The following DNAAF11 variants were observed in gnomAD, a reference collection of about 807,000 sequenced individuals.
DNAAF11 encodes dynein axonemal assembly factor 11, also known as leucine rich repeat containing 6.
DNAAF11 carries 45 observed loss-of-function variants against 60.8 expected under a neutral mutation model. The observed-to-expected ratio is 0.74, with a 90% CI of 0.58 to 0.95. The LOEUF (loss-of-function observed/expected upper bound fraction) is 0.95, where lower values mean the gene tolerates loss of function less well. Among genes scored for constraint, DNAAF11 ranks in the 40% least tolerant of loss-of-function variants. The pLI is 0.00. For synonymous variants in DNAAF11, 191 were observed against 183.5 expected, an observed-to-expected ratio of 1.04 and a Z score of -0.33; for missense variants, 546 against 546.2, an observed-to-expected ratio of 1.00 and a Z score of 0.00.
Position 132,572,408 on chromosome 8 carries a change from T to C in DNAAF11, c.1299A>G (p.Gln433=), listed in dbSNP as rs1398472173. ...HSFPDVTNIV[Q]EKKHTPRRRP... ...GTCTTCTGGGTGTGTGTTTTTTCTC[T>C]TGAACTATGTTAGTCACATCAGGGA... The change falls in exon 12 of 12, where the codon CAA becomes CAG. Residue 433 remains glutamine (Q), a synonymous_variant. Transcript: ENST00000620350. 3 of 1,613,920 alleles carry C rather than the reference T, an allele frequency of 1.9e-6. No individual in the cohort carries two copies. The highest frequency in any genetic ancestry group is 3.3e-5 in the Admixed American group (2 of 60,012).
Position 132,637,991 on chromosome 8 carries a change from A to G in DNAAF11, c.373T>C (p.Cys125Arg), listed in dbSNP as rs1821470793. The G allele has an allele frequency of 6.2e-7, 1 of 1,614,020 alleles. No homozygotes were observed. Among genetic ancestry groups the G allele is most frequent in the Admixed American group, 1.7e-5 (1 of 60,006 alleles). The change falls in exon 4 of 12, where the codon TGT becomes CGT. Residue 125 changes from cysteine (C) to arginine (R), a missense_variant. Transcript: ENST00000620350. ...TCCCTATAGTGGTCAAAGGAAGCAC[A>G]TGGGTTCCCCATGAGAAAGAGCTCC... ...LKELFLMGNP[C>R]ASFDHYREFV...
chr8:132,683,315 A>G, the DNAAF11 span, among the ~76,000 whole-genome samples: 1 of 152,202 alleles, frequency 6.6e-6, no homozygotes, highest in Non-Finnish European at 1.5e-5. Context: ...GGTGGAACAC[A>G]TGAACCCAGC....
At chr8:132,680,907 G>A in the DNAAF11 span, among the ~76,000 whole-genome samples, 5 of 147,276 alleles carry the variant, frequency 3.4e-5, no homozygotes, top group Non-Finnish European at 6.0e-5. Flanking sequence ...AAAGTACTCA[G>A]TATGAGCTAT....
chr8:132,657,892 G>A (rs1823740230), intron 2 of DNAAF11, among the ~76,000 whole-genome samples: 1 of 152,146 alleles, frequency 6.6e-6, no homozygotes, highest in Admixed American at 6.5e-5. Context: ...GGTAGAGCTA[G>A]GAAAGTTGAC....
intron 11 of DNAAF11, among the ~76,000 whole-genome samples, chr8:132,580,004 C>T (rs1290360178): frequency 7.7e-6 from 1 of 130,170 alleles, no homozygotes; most frequent in Non-Finnish European, 1.7e-5. Flanking sequence ...CTTAAAAAAA[C>T]AAATAAATGA....
At chr8:132,670,162 A>C (rs1825045722) in intron 1 of DNAAF11, among the ~76,000 whole-genome samples, 1 of 152,040 alleles carries the variant, frequency 6.6e-6, no homozygotes, top group Non-Finnish European at 1.5e-5. Flanking sequence ...TTATAACAGA[A>C]ATCAATGAAA....
At position 132,615,116 on chromosome 8, in the gene DNAAF11, G is replaced by A. The variant is rs200544802; in HGVS notation, c.915-19C>T. On this transcript the variant is annotated intron_variant, in intron 7 of 11. Transcript: ENST00000620350. ...GTCAATTCTAAGAATAACACATTTGGTGGGAAAAAAGAGATGTCTTTAGGA... is the reference window on the plus strand; with the variant it reads ...GTCAATTCTAAGAATAACACATTTGATGGGAAAAAAGAGATGTCTTTAGGA... The A allele has an allele frequency of 1.4e-4, 220 of 1,558,616 alleles. No homozygotes were observed. Among genetic ancestry groups the A allele is most frequent in the Non-Finnish European group, 1.9e-4 (214 of 1,132,170 alleles).
chr8:132,666,263 T>C (rs1824617450), intron 1 of DNAAF11, among the ~76,000 whole-genome samples: 1 of 152,092 alleles, frequency 6.6e-6, no homozygotes. Flanking sequence ...CAATAATATA[T>C]AGTTTGAAAT....
At chr8:132,652,362 T>G (rs891982064) in intron 3 of DNAAF11, among the ~76,000 whole-genome samples, 1 of 152,100 alleles carries the variant, frequency 6.6e-6, no homozygotes, top group Non-Finnish European at 1.5e-5. Context: ...ACCAGACATT[T>G]AGAGAAAAAT....
chr8:132,625,565 G>A, intron 5 of DNAAF11, 111 bp from the exon 6 acceptor site: 1 of 801,360 alleles, frequency 1.2e-6, no homozygotes, highest in Non-Finnish European at 1.9e-6. Flanking sequence ...TCTTACCTTT[G>A]AATGACAAAG....
intron 10 of DNAAF11, among the ~76,000 whole-genome samples, chr8:132,608,095 T>C (rs1238545030): frequency 6.6e-6 from 1 of 152,124 alleles, no homozygotes; most frequent in African/African-American, 2.4e-5. Context: ...TAAATGAAAT[T>C]AGAATTTTTT....
At position 132,570,421 on chromosome 8, in the gene DNAAF11, C is replaced by G. The variant is rs913782111; in HGVS notation, c.*1885G>C. Among the ~76,000 whole-genome samples, 10 of 152,086 alleles carry G rather than the reference C, an allele frequency of 6.6e-5. No individual in the cohort carries two copies. Among genetic ancestry groups the G allele is most frequent in the African/African-American group, 2.2e-4 (9 of 41,412 alleles). On this transcript the variant is annotated 3_prime_UTR_variant, in exon 12 of 12. Coordinates refer to ENST00000620350, the MANE Select transcript of DNAAF11 (RefSeq NM_012472.6). ...ATTATTCAGTCCATAACAGATGGCA[C>G]AGTTTTGTTTGTTTAATGGATAATT...
At chr8:132,687,417 G>A in the DNAAF11 span, 5 of 321,292 alleles carry the variant, frequency 1.6e-5, no homozygotes, top group South Asian at 1.3e-4. Context: ...GCAGAATAAT[G>A]AAGTCATAAT....
At chr8:132,575,171 A>T (rs1814610137) in intron 11 of DNAAF11, among the ~76,000 whole-genome samples, 1 of 152,166 alleles carries the variant, frequency 6.6e-6, no homozygotes, top group South Asian at 2.1e-4. Flanking sequence ...CCTGGCTCCT[A>T]CCTGCTAAGC....
intron 7 of DNAAF11, among the ~76,000 whole-genome samples, chr8:132,615,801 G>A (rs1309272833): frequency 6.6e-6 from 1 of 152,148 alleles, no homozygotes; most frequent in Non-Finnish European, 1.5e-5. Flanking sequence ...TATCAGAATT[G>A]CCTGGTCAAT....
At chr8:132,690,016 A>G in the DNAAF11 span, among the ~76,000 whole-genome samples, 1 of 152,188 alleles carries the variant, frequency 6.6e-6, no homozygotes, top group Non-Finnish European at 1.5e-5. Context: ...CACTTGACTC[A>G]TATTTTTAAA....
At chr8:132,658,817 G>C (rs1823847412) in intron 2 of DNAAF11, among the ~76,000 whole-genome samples, 1 of 152,132 alleles carries the variant, frequency 6.6e-6, no homozygotes, top group African/African-American at 2.4e-5. Flanking sequence ...AATTTGCTCA[G>C]GGACGGTTTC....
chr8:132,605,853 G>T (rs1818073712), intron 10 of DNAAF11, among the ~76,000 whole-genome samples: 1 of 152,046 alleles, frequency 6.6e-6, no homozygotes, highest in Non-Finnish European at 1.5e-5. Flanking sequence ...GAAGTAGAAA[G>T]ATGCTTGTCA....
intron 1 of DNAAF11, among the ~76,000 whole-genome samples, chr8:132,662,009 C>T (rs1375719905): frequency 6.6e-6 from 1 of 152,146 alleles, no homozygotes; most frequent in African/African-American, 2.4e-5. Flanking sequence ...GAGCAACTTG[C>T]TACTGAGAGG....
Sources: allele counts gnomAD v4.1 joint callset (sites outside exome capture counted in the v4.1 genomes callset), GRCh38; gene constraint gnomAD v4.1.1; transcripts MANE v1.5; gene names NCBI Gene and HGNC (gene_info 2026-07-23, HGNC 2026-07-21).